The following NPAP1 variants were observed in gnomAD, a reference collection of about 807,000 sequenced individuals.
The protein encoded by NPAP1 is nuclear pore-associated protein 1.
For missense variants in NPAP1, 1,483 were observed against 1,454.5 expected (o/e 1.02, Z -0.32); for synonymous variants, 616 against 581.4 (o/e 1.06, Z -0.86).
Position 24,676,025 on chromosome 15 carries a change from G to T in NPAP1, c.158G>T (p.Arg53Leu). ...CGCCCTTTCCGCGGCCTGTTCCGCC[G>T]GAACGCCCGTCGCAGGCCTTCAGCA... Reference protein sequence around the residue: ...TPRPFRGLFRRNARRRPSAAS... With the variant: ...TPRPFRGLFRLNARRRPSAAS... Residue 53 changes from arginine to leucine, a missense_variant, in exon 1 of 1, where the codon CGG becomes CTG. Physicochemically the swap from Arg to Leu is moderately radical, Grantham distance 102. Transcript: ENST00000329468. 1 of 1,596,924 alleles carries T rather than the reference G, an allele frequency of 6.3e-7. No homozygotes were observed. The highest frequency in any genetic ancestry group is 1.1e-5 in the South Asian group (1 of 89,464).
At position 24,679,987 on chromosome 15, in the gene NPAP1, G is replaced by T. The variant is rs2049006845; in HGVS notation, c.*649G>T. 9.4e-6 allele frequency: 1 copy of T among 106,148 alleles called. No individual in the cohort carries two copies. 6.6% of individuals were successfully genotyped at this position (106,148 alleles called of 1,614,324 possible). ...ACCAGCATTGTTTTTGTTTTGGTTT[G>T]TTTGTTTGTTTGTTTGTTTGTTTGT... is the stretch of plus-strand genomic sequence containing the variant. On this transcript the variant is annotated 3_prime_UTR_variant, in exon 1 of 1. Coordinates refer to ENST00000329468, the MANE Select transcript of NPAP1 (RefSeq NM_018958.3).
In NPAP1 at chr15:24,675,794, G is replaced by C. The variant is rs1045746580; in HGVS notation, c.-74G>C. On this transcript the variant is annotated 5_prime_UTR_variant, in exon 1 of 1. Transcript: ENST00000329468. The stretch of plus-strand genomic sequence containing the variant: ...CCAGTCAGTTTGTGCTTGGTCGCCA[G>C]AGGAGGCGGTGGCTGAGGAGAGTTG... The C allele has an allele frequency of 4.5e-6, 5 of 1,101,606 alleles. No homozygotes were observed. Among genetic ancestry groups the C allele is most frequent in the Non-Finnish European group, 6.2e-6 (5 of 803,886 alleles). 68.2% of individuals were successfully genotyped at this position (1,101,606 alleles called of 1,614,324 possible).
Position 24,676,860 on chromosome 15 carries a change from G to T in NPAP1, c.993G>T (p.Ser331=), listed in dbSNP as rs1205066447. 3.1e-6 allele frequency: 5 copies of T among 1,613,184 alleles called. No homozygotes were observed. The highest frequency in any genetic ancestry group is 1.7e-5 in the Admixed American group (1 of 60,026). The change falls in exon 1 of 1, where the codon TCG becomes TCT. Residue 331 remains serine (S), a synonymous_variant. Transcript: ENST00000329468. ...ACAGGCCCTGCAAAAGGAAAATGTCGATTCCATTGCTGCTGCCGCTGCCCC... is the reference window on the plus strand; with the variant it reads ...ACAGGCCCTGCAAAAGGAAAATGTCTATTCCATTGCTGCTGCCGCTGCCCC... The part of the protein sequence containing the change: ...ARNRPCKRKM[S]IPLLLPLPPS...
the NPAP1 span, chr15:24,676,684 C>T: frequency 6.2e-7 from 1 of 1,614,064 alleles, no homozygotes; most frequent in African/African-American, 1.3e-5. Flanking sequence ...CTCCCTGCTG[C>T]AGCAGAAGTT....
At position 24,678,040 on chromosome 15, in the gene NPAP1, C is replaced by T. The variant is rs377144816; in HGVS notation, c.2173C>T (p.Leu725=). ...CTCCAAGAAGTACCTCCCATTTTAC[C>T]TGGGGCTTCCTGGTTCTGGGAACAC... ...SVSKKYLPFY[L]GLPGSGNTQP... The change falls in exon 1 of 1, where the codon CTG becomes TTG. Residue 725 remains leucine (L), a synonymous_variant. Coordinates refer to ENST00000329468, the MANE Select transcript of NPAP1 (RefSeq NM_018958.3). 2 of 1,613,784 alleles carry T rather than the reference C, an allele frequency of 1.2e-6. No homozygotes were observed. Among genetic ancestry groups the T allele is most frequent in the African/African-American group, 2.7e-5 (2 of 74,806 alleles).
rs1442365660 is a variant in NPAP1, at chr15:24,675,938, C to T, written c.71C>T (p.Ala24Val). ...CCCCTGCCAGGGCCAGGGCGTGGCG[C>T]CCCCGCTCCCCTGTCCCGGGACGCC... ...RRPLPGPGRGAPAPLSRDASP... is the reference protein window; with the variant it reads ...RRPLPGPGRGVPAPLSRDASP... The change falls in exon 1 of 1, where the codon GCC becomes GTC. Residue 24 changes from alanine (A) to valine (V), a missense_variant. Physicochemically the swap from Ala to Val is moderately conservative, Grantham distance 64 (BLOSUM62 0). Coordinates refer to ENST00000329468, the MANE Select transcript of NPAP1 (RefSeq NM_018958.3). The T allele has an allele frequency of 1.3e-6, 2 of 1,584,796 alleles. No homozygotes were observed. Among genetic ancestry groups the T allele is most frequent in the Non-Finnish European group, 1.7e-6 (2 of 1,168,094 alleles).
chr15:24,678,930 G>A lies in NPAP1; in HGVS notation c.3063G>A (p.Gly1021=), dbSNP rs764386451. 3.7e-6 allele frequency: 6 copies of A among 1,613,968 alleles called. No homozygotes were observed. The highest frequency in any genetic ancestry group is 1.7e-5 in the Admixed American group (1 of 59,990). The part of the protein sequence containing the change: ...PGTPMDGGSI[G]FSMSAPGPSS... ...CCCCTATGGATGGTGGGAGCATTGG[G>A]TTCAGCATGTCTGCCCCAGGCCCCA... Residue 1021 remains glycine, a synonymous_variant, in exon 1 of 1, where the codon GGG becomes GGA. Coordinates refer to ENST00000329468, the MANE Select transcript of NPAP1 (RefSeq NM_018958.3).
rs936706135 is a variant in NPAP1 at position 24,679,778 on chromosome 15, C to G, written c.*440C>G. On this transcript the variant is annotated 3_prime_UTR_variant, in exon 1 of 1. Transcript: ENST00000329468. ...CATGCAATGAGGGACAGCAACACAA[C>G]GGCTGTGACTGGTTGTACTTTTGGT... is the stretch of plus-strand genomic sequence containing the variant. The G allele has an allele frequency of 5.3e-6, 1 of 187,072 alleles. No individual in the cohort carries two copies. Among genetic ancestry groups the G allele is most frequent in the Non-Finnish European group, 1.3e-5 (1 of 79,666 alleles). 11.6% of individuals were successfully genotyped at this position (187,072 alleles called of 1,614,324 possible).
rs531772049 is a variant in NPAP1, at chr15:24,676,079, C to G, written c.212C>G (p.Pro71Arg). The G allele has an allele frequency of 2.5e-6, 4 of 1,570,464 alleles. No individual in the cohort carries two copies. The highest frequency in any genetic ancestry group is 3.4e-6 in the Non-Finnish European group (4 of 1,162,372). Reference sequence around the variant, plus strand: ...AGCATCTTCGTCGCCCCTAAGAGGCCGTGTCCTCTCCCTCGGGCTGCGGCC... The same window carrying G: ...AGCATCTTCGTCGCCCCTAAGAGGCGGTGTCCTCTCCCTCGGGCTGCGGCC... The part of the protein sequence containing the change: ...AASIFVAPKR[P>R]CPLPRAAAAP... Residue 71 changes from proline (P) to arginine (R), a missense_variant, in exon 1 of 1, where the codon CCG becomes CGG. Coordinates refer to ENST00000329468, the MANE Select transcript of NPAP1 (RefSeq NM_018958.3).
chr15:24,676,116 G>A lies in NPAP1; in HGVS notation c.249G>A (p.Gly83=), dbSNP rs751966310. 1.1e-5 allele frequency: 17 copies of A among 1,565,576 alleles called. No homozygotes were observed. The highest frequency in any genetic ancestry group is 1.5e-5 in the Non-Finnish European group (17 of 1,158,800). Reference sequence around the variant, plus strand: ...CTCGGGCTGCGGCCGCCCCTCTGGGGGTCCTGCCGGCTGTGGGTTGGGGGC... The same window carrying A: ...CTCGGGCTGCGGCCGCCCCTCTGGGAGTCCTGCCGGCTGTGGGTTGGGGGC... ...PLPRAAAAPL[G]VLPAVGWGLA... The change falls in exon 1 of 1, where the codon GGG becomes GGA. Residue 83 remains glycine (G), a synonymous_variant. Transcript: ENST00000329468.
Position 24,679,454 on chromosome 15 carries a change from C to G in NPAP1, c.*116C>G. 1 of 783,374 alleles carries G rather than the reference C, an allele frequency of 1.3e-6. No individual in the cohort carries two copies. The highest frequency in any genetic ancestry group is 2.6e-5 in the East Asian group (1 of 38,392). The allele number at this position is 783,374 out of a possible 1,614,324, so 48.5% of individuals were successfully genotyped here. On this transcript the variant is annotated 3_prime_UTR_variant, in exon 1 of 1. Coordinates refer to ENST00000329468, the MANE Select transcript of NPAP1 (RefSeq NM_018958.3). Reference sequence around the variant, plus strand: ...CTTCATGCCAAGCACCTGCCATGTACCTCTCCAGAACTCAGGTTGTGCACC... The same window carrying G: ...CTTCATGCCAAGCACCTGCCATGTAGCTCTCCAGAACTCAGGTTGTGCACC...
Position 24,679,122 on chromosome 15 carries a change from C to T in NPAP1, c.3255C>T (p.Ala1085=), listed in dbSNP as rs143530156. ...CTGTATTTGGATATACTTCTGCTGC[C>T]GCCTACATTCCTGGTTTAGACCCAC... ...NIPVFGYTSA[A]AYIPGLDPPT... Residue 1085 remains alanine (A), a synonymous_variant, in exon 1 of 1, where the codon GCC becomes GCT. Transcript: ENST00000329468. 65 of 1,614,072 alleles carry T rather than the reference C, an allele frequency of 4.0e-5. No homozygotes were observed. Among genetic ancestry groups the T allele is most frequent in the Admixed American group, 2.2e-4 (13 of 60,006 alleles).
In NPAP1 at chr15:24,677,579, T is replaced by A. The variant is rs2141310670; in HGVS notation, c.1712T>A (p.Val571Glu). Residue 571 changes from valine (V) to glutamate (E), a missense_variant, in exon 1 of 1, where the codon GTA becomes GAA. By Grantham distance (121) the Val-to-Glu change is moderately radical. Transcript: ENST00000329468. ...ASAHLTSQTA[V>E]DPEVVNMDTT... Reference sequence around the variant, plus strand: ...GCCCACCTAACCTCACAGACTGCGGTAGACCCTGAAGTAGTTAATATGGAT... The same window carrying A: ...GCCCACCTAACCTCACAGACTGCGGAAGACCCTGAAGTAGTTAATATGGAT... 1 of 1,614,182 alleles carries A rather than the reference T, an allele frequency of 6.2e-7. No individual in the cohort carries two copies. Among genetic ancestry groups the A allele is most frequent in the Non-Finnish European group, 8.5e-7 (1 of 1,180,026 alleles).
Position 24,676,677 on chromosome 15 carries a change from C to T in NPAP1, c.810C>T (p.Ser270=). 1 of 1,614,066 alleles carries T rather than the reference C, an allele frequency of 6.2e-7. No individual in the cohort carries two copies. The highest frequency in any genetic ancestry group is 8.5e-7 in the Non-Finnish European group (1 of 1,180,040). The change falls in exon 1 of 1, where the codon TCC becomes TCT. Residue 270 remains serine (S), a synonymous_variant. Coordinates refer to ENST00000329468, the MANE Select transcript of NPAP1 (RefSeq NM_018958.3). The part of the protein sequence containing the change: ...TAPPEPAVGC[S]LLQQKLAAEV... The stretch of plus-strand genomic sequence containing the variant: ...CCCCTGAGCCAGCCGTTGGCTGCTC[C>T]CTGCTGCAGCAGAAGTTGGCTGCGG...
rs2048993820 is a variant in NPAP1, at chr15:24,678,533, A to T, written c.2666A>T (p.His889Leu). 6.2e-7 allele frequency: 1 copy of T among 1,614,056 alleles called. No homozygotes were observed. Among genetic ancestry groups the T allele is most frequent in the South Asian group, 1.1e-5 (1 of 91,086 alleles). Reference sequence around the variant, plus strand: ...AGGAGACCAACCACAACTTCCAGCCATCCTTTAAATACAGGATCCATCTCT... The same window carrying T: ...AGGAGACCAACCACAACTTCCAGCCTTCCTTTAAATACAGGATCCATCTCT... ...ADRRPTTTSS[H>L]PLNTGSISHS... is the part of the protein sequence containing the mutation. The change falls in exon 1 of 1, where the codon CAT (histidine) becomes CTT (leucine). Residue 889 changes from histidine (H) to leucine (L), a missense_variant. By Grantham distance (99) the His-to-Leu change is moderately conservative (BLOSUM62 -3). Transcript: ENST00000329468.
chr15:24,676,114 G>A lies in NPAP1; in HGVS notation c.247G>A (p.Gly83Arg), dbSNP rs201453900. 2.6e-5 allele frequency: 40 copies of A among 1,565,984 alleles called. No homozygotes were observed. The highest frequency in any genetic ancestry group is 4.1e-5 in the African/African-American group (3 of 73,208). Reference sequence around the variant, plus strand: ...CCCTCGGGCTGCGGCCGCCCCTCTGGGGGTCCTGCCGGCTGTGGGTTGGGG... The same window carrying A: ...CCCTCGGGCTGCGGCCGCCCCTCTGAGGGTCCTGCCGGCTGTGGGTTGGGG... Reference protein sequence around the residue: ...PLPRAAAAPLGVLPAVGWGLA... With the variant: ...PLPRAAAAPLRVLPAVGWGLA... The change falls in exon 1 of 1, where the codon GGG becomes AGG. Residue 83 changes from glycine (G) to arginine (R), a missense_variant. Transcript: ENST00000329468.
chr15:24,677,684 A>T lies in NPAP1; in HGVS notation c.1817A>T (p.His606Leu), dbSNP rs1265695213. The T allele has an allele frequency of 1.2e-6, 2 of 1,614,148 alleles. No individual in the cohort carries two copies. The highest frequency in any genetic ancestry group is 1.6e-4 in the Middle Eastern group (1 of 6,062). ...AGCTCTCTCCCAAATTCCCAAATAC[A>T]TTGCAGTGCAGAGCAGAGGCACCCG... Reference protein sequence around the residue: ...RVSSLPNSQIHCSAEQRHPGK... With the variant: ...RVSSLPNSQILCSAEQRHPGK... The change falls in exon 1 of 1, where the codon CAT becomes CTT. Residue 606 changes from histidine to leucine, a missense_variant. By Grantham distance (99) the His-to-Leu change is moderately conservative. Transcript: ENST00000329468.
At position 24,675,780 on chromosome 15, in the gene NPAP1, G is replaced by C; in HGVS notation, c.-88G>C. ...TCGCAGGCGTAGAGCCAGTCAGTTT[G>C]TGCTTGGTCGCCAGAGGAGGCGGTG... On this transcript the variant is annotated 5_prime_UTR_variant, in exon 1 of 1. Coordinates refer to ENST00000329468, the MANE Select transcript of NPAP1 (RefSeq NM_018958.3). 1.0e-6 allele frequency: 1 copy of C among 974,128 alleles called. No homozygotes were observed. Among genetic ancestry groups the C allele is most frequent in the Non-Finnish European group, 1.4e-6 (1 of 690,474 alleles). The allele number at this position is 974,128 out of a possible 1,614,324, so 60.3% of individuals were successfully genotyped here.
chr15:24,676,770 G>A lies in NPAP1; in HGVS notation c.903G>A (p.Arg301=), dbSNP rs2141308753. 6.2e-7 allele frequency: 1 copy of A among 1,613,744 alleles called. No homozygotes were observed. Among genetic ancestry groups the A allele is most frequent in the Non-Finnish European group, 8.5e-7 (1 of 1,180,028 alleles). ...GLPIPLMSGK[R]MPDEKPFCIP... ...CGATTCCGCTGATGTCCGGAAAGAG[G>A]ATGCCTGATGAGAAGCCTTTCTGTA... is the stretch of plus-strand genomic sequence containing the variant. The change falls in exon 1 of 1, where the codon AGG becomes AGA. Residue 301 remains arginine (R), a synonymous_variant. Transcript: ENST00000329468.
Sources: allele counts gnomAD v4.1 joint callset, GRCh38; gene constraint gnomAD v4.1.1; transcripts MANE v1.5; gene names NCBI Gene and HGNC (gene_info 2026-07-23, HGNC 2026-07-21).